TSHZ2: variants seen among roughly 807,000 people sequenced by gnomAD.
TSHZ2 encodes teashirt homolog 2.
TSHZ2 carries 21 observed loss-of-function variants against 74.4 expected under a neutral mutation model. The ratio of observed to expected loss-of-function variants is 0.28; its 90% CI spans 0.20 to 0.41. The LOEUF (loss-of-function observed/expected upper bound fraction) is 0.41, where lower values mean the gene tolerates loss of function less well. Ranked by LOEUF, TSHZ2 falls within the 10% of genes least tolerant of loss-of-function variation. The pLI, the probability that TSHZ2 is intolerant of heterozygous loss-of-function variation, is 1.00. For missense variants in TSHZ2, 1,244 were observed against 1,293.5 expected (o/e 0.96, Z 0.59); for synonymous variants, 540 against 515.3 (o/e 1.05, Z -0.65).
chr20:53,158,679 CG>C (rs1371232245), intron 1 of TSHZ2, among the ~76,000 whole-genome samples: 1 of 152,168 alleles, frequency 6.6e-6, no homozygotes, highest in Non-Finnish European at 1.5e-5. Context: ...GTCAGAGTGT[CG>C]GGCCCTGGAA....
At chr20:53,038,374 T>A (rs750395700) in intron 1 of TSHZ2, among the ~76,000 whole-genome samples, 1 of 152,036 alleles carries the variant, frequency 6.6e-6, no homozygotes, top group Non-Finnish European at 1.5e-5. Flanking sequence ...ACAGGAAGAT[T>A]GGGTTTCTCC....
chr20:53,267,109 C>T (rs1457369021), intron 2 of TSHZ2, among the ~76,000 whole-genome samples: 4 of 152,142 alleles, frequency 2.6e-5, no homozygotes, highest in Non-Finnish European at 4.4e-5. Flanking sequence ...CACAGGTAAA[C>T]GTTGATGGCA....
At chr20:53,203,709 C>A (rs1989067917) in intron 1 of TSHZ2, among the ~76,000 whole-genome samples, 1 of 152,038 alleles carries the variant, frequency 6.6e-6, no homozygotes, top group Non-Finnish European at 1.5e-5. Context: ...CAAGAGAAAC[C>A]AGGAAAATAA....
At chr20:53,236,169 G>A (rs1989934833) in intron 1 of TSHZ2, among the ~76,000 whole-genome samples, 1 of 152,218 alleles carries the variant, frequency 6.6e-6, no homozygotes, top group African/African-American at 2.4e-5. Flanking sequence ...TGACCTGCCT[G>A]TAACTTCACA....
intron 1 of TSHZ2, among the ~76,000 whole-genome samples, chr20:53,200,668 G>T (rs190542498): frequency 6.6e-6 from 1 of 152,082 alleles, no homozygotes; most frequent in East Asian, 1.9e-4. Context: ...TTGTTTGTTT[G>T]TTTGTTTGTA....
At chr20:53,371,947 C>T (rs931318874) in intron 2 of TSHZ2, among the ~76,000 whole-genome samples, 1 of 151,936 alleles carries the variant, frequency 6.6e-6, no homozygotes, top group Admixed American at 6.6e-5. Flanking sequence ...AAGGAGTCTT[C>T]CTGCCTCTAA....
At chr20:53,126,654 T>C (rs1986954335) in intron 1 of TSHZ2, among the ~76,000 whole-genome samples, 1 of 152,196 alleles carries the variant, frequency 6.6e-6, no homozygotes, top group African/African-American at 2.4e-5. Flanking sequence ...ATTCAGGAGC[T>C]GGCAGGGTTA....
At chr20:52,998,098 G>A (rs949167293) in intron 1 of TSHZ2, among the ~76,000 whole-genome samples, 1 of 152,162 alleles carries the variant, frequency 6.6e-6, no homozygotes, top group African/African-American at 2.4e-5. Flanking sequence ...CCTCCTTTCT[G>A]ACTTGAAATC....
At chr20:53,293,534 A>C (rs1431647717) in intron 2 of TSHZ2, among the ~76,000 whole-genome samples, 1 of 152,114 alleles carries the variant, frequency 6.6e-6, no homozygotes, top group Non-Finnish European at 1.5e-5. Flanking sequence ...CTCTTCAGGC[A>C]ACAGAAGGCT....
intron 1 of TSHZ2, among the ~76,000 whole-genome samples, chr20:53,128,652 C>T (rs756292244): frequency 4.6e-5 from 7 of 151,794 alleles, no homozygotes; most frequent in South Asian, 2.1e-4. Context: ...GATGGAGTCT[C>T]GCACTGACGC....
At chr20:53,064,865 A>T (rs1984930758) in intron 1 of TSHZ2, among the ~76,000 whole-genome samples, 1 of 152,176 alleles carries the variant, frequency 6.6e-6, no homozygotes, top group Non-Finnish European at 1.5e-5. Context: ...CAGTGTGAGG[A>T]GCAGATGGTA....
At chr20:53,429,423 G>C (rs1459040934) in intron 2 of TSHZ2, among the ~76,000 whole-genome samples, 2 of 152,216 alleles carry the variant, frequency 1.3e-5, no homozygotes, top group Non-Finnish European at 2.9e-5. Context: ...CGAATCATGG[G>C]GGCGGGTCTT....
intron 1 of TSHZ2, among the ~76,000 whole-genome samples, chr20:52,976,050 C>T (rs953583527): frequency 2.0e-5 from 3 of 152,192 alleles, no homozygotes; most frequent in African/African-American, 7.2e-5. Context: ...TCTCCCGGAG[C>T]GCTCTTTTTC....
chr20:53,393,531 A>C (rs1173771480), intron 2 of TSHZ2, among the ~76,000 whole-genome samples: 1 of 152,350 alleles, frequency 6.6e-6, no homozygotes, highest in South Asian at 2.1e-4. Context: ...GAGTGTTTGT[A>C]ACATAGTAGG....
intron 1 of TSHZ2, among the ~76,000 whole-genome samples, chr20:53,229,515 T>G (rs1989769099): frequency 6.6e-6 from 1 of 152,216 alleles, no homozygotes; most frequent in Non-Finnish European, 1.5e-5. Flanking sequence ...TGCAAAGTTC[T>G]AATCGTCATG....
At chr20:53,309,919 T>G (rs1351900240) in intron 2 of TSHZ2, among the ~76,000 whole-genome samples, 1 of 151,916 alleles carries the variant, frequency 6.6e-6, no homozygotes, top group Non-Finnish European at 1.5e-5. Flanking sequence ...GGATAATGCT[T>G]TTAACTCCAT....
chr20:53,262,261 C>G (rs971321338), intron 2 of TSHZ2, among the ~76,000 whole-genome samples: 1 of 150,932 alleles, frequency 6.6e-6, no homozygotes, highest in Non-Finnish European at 1.5e-5. Flanking sequence ...TTCCACGATG[C>G]TTTTTTCTAC....
intron 1 of TSHZ2, among the ~76,000 whole-genome samples, chr20:53,038,866 T>TTTG (rs61682620): frequency 7.4e-6 from 1 of 134,860 alleles, no homozygotes; most frequent in Non-Finnish European, 1.6e-5. Context: ...CTTGTTTTTT[T>TTTG]TTTGTTTGTT....
At chr20:53,315,332 T>C (rs546472199) in intron 2 of TSHZ2, among the ~76,000 whole-genome samples, 17 of 152,266 alleles carry the variant, frequency 1.1e-4, no homozygotes, top group African/African-American at 1.7e-4. Context: ...ACACTTTTAA[T>C]TGGATCCTTC....
Sources: allele counts gnomAD v4.1 joint callset (sites outside exome capture counted in the v4.1 genomes callset), GRCh38; gene constraint gnomAD v4.1.1; transcripts MANE v1.5; gene names NCBI Gene and HGNC (gene_info 2026-07-23, HGNC 2026-07-21).